The following SCHIP1 variants were observed in gnomAD, a reference collection of about 807,000 sequenced individuals.
SCHIP1 encodes the protein schwannomin interacting protein 1.
SCHIP1 carries 8 observed loss-of-function variants against 29.7 expected under a neutral mutation model. The ratio of observed to expected loss-of-function variants is 0.27; its 90% CI spans 0.16 to 0.49. The LOEUF (loss-of-function observed/expected upper bound fraction) is 0.49, where lower values mean the gene tolerates loss of function less well. Ranked by LOEUF, SCHIP1 falls within the 20% of genes least tolerant of loss-of-function variation. The pLI is 0.99. For synonymous variants in SCHIP1, 76 were observed against 94.9 expected, an observed-to-expected ratio of 0.80 and a Z score of 1.16; for missense variants, 193 against 294.6, an observed-to-expected ratio of 0.66 and a Z score of 2.52.
At chr3:159,704,908 A>C in the SCHIP1 span, among the ~76,000 whole-genome samples, 10,335 of 41,290 alleles carry the variant, frequency 0.25, 450 homozygotes, top group East Asian at 0.31. Flanking sequence ...TTCTTTCTTT[A>C]TTTCTTTCTT....
At chr3:159,536,102 A>G in the SCHIP1 span, among the ~76,000 whole-genome samples, 3 of 152,220 alleles carry the variant, frequency 2.0e-5, no homozygotes, top group Non-Finnish European at 4.4e-5. Context: ...GCTATTGGCT[A>G]CTATGTTGAA....
the SCHIP1 span, among the ~76,000 whole-genome samples, chr3:159,767,036 C>G: frequency 1.3e-5 from 2 of 152,124 alleles, no homozygotes; most frequent in African/African-American, 4.8e-5. Flanking sequence ...CTGGTCATTT[C>G]CTCTACAAGT....
the SCHIP1 span, among the ~76,000 whole-genome samples, chr3:159,297,992 G>C: frequency 1.3e-5 from 2 of 152,166 alleles, no homozygotes; most frequent in Admixed American, 6.5e-5. Context: ...CTATTTGTGT[G>C]GTGCCAGTCT....
the SCHIP1 span, among the ~76,000 whole-genome samples, chr3:159,405,603 G>A: frequency 1.3e-5 from 2 of 152,058 alleles, no homozygotes; most frequent in African/African-American, 2.4e-5. Flanking sequence ...CAGAGGCCAG[G>A]CATGGTGGCA....
the SCHIP1 span, among the ~76,000 whole-genome samples, chr3:159,724,439 T>C: frequency 6.6e-6 from 1 of 152,188 alleles, no homozygotes; most frequent in Non-Finnish European, 1.5e-5. Context: ...CCAGCGTCTT[T>C]TTCCCCAGGG....
chr3:159,511,423 A>G, the SCHIP1 span, among the ~76,000 whole-genome samples: 1 of 152,252 alleles, frequency 6.6e-6, no homozygotes, highest in East Asian at 1.9e-4. Flanking sequence ...TCCCGGGTGA[A>G]GCAATGCCTC....
chr3:159,711,414 A>AT, the SCHIP1 span, among the ~76,000 whole-genome samples: 1 of 150,680 alleles, frequency 6.6e-6, no homozygotes, highest in South Asian at 2.1e-4. Context: ...TAAAAAAAAA[A>AT]TGTTTTCCAC....
At chr3:159,663,839 T>C in the SCHIP1 span, among the ~76,000 whole-genome samples, 10 of 152,184 alleles carry the variant, frequency 6.6e-5, no homozygotes, top group African/African-American at 2.4e-4. Flanking sequence ...ATTGCATTTA[T>C]CCAGCAGTTC....
chr3:159,655,624 T>A, the SCHIP1 span, among the ~76,000 whole-genome samples: 2 of 152,160 alleles, frequency 1.3e-5, no homozygotes, highest in African/African-American at 4.8e-5. Flanking sequence ...GCGTGGTGGC[T>A]CACACCTGTA....
the SCHIP1 span, among the ~76,000 whole-genome samples, chr3:159,651,040 G>C: frequency 6.6e-6 from 1 of 152,124 alleles, no homozygotes; most frequent in East Asian, 1.9e-4. Flanking sequence ...TACCTGTACC[G>C]TCTCATAGGA....
the SCHIP1 span, among the ~76,000 whole-genome samples, chr3:159,811,419 T>C: frequency 9.2e-5 from 14 of 152,258 alleles, no homozygotes; most frequent in African/African-American, 3.4e-4. Context: ...TTTATAGTTT[T>C]AGCTTTTACA....
chr3:159,846,237 GT>G (rs1406311406), intron 1 of SCHIP1, among the ~76,000 whole-genome samples: 1 of 152,140 alleles, frequency 6.6e-6, no homozygotes, highest in Non-Finnish European at 1.5e-5. Context: ...GAATACCGAA[GT>G]TTTCTGTGGC....
At chr3:159,519,466 A>T in the SCHIP1 span, among the ~76,000 whole-genome samples, 8,433 of 152,238 alleles carry the variant, frequency 0.055, 294 homozygotes, top group Non-Finnish European at 0.087. Context: ...GCTTACTCTA[A>T]ATGTCTAAAA....
the SCHIP1 span, among the ~76,000 whole-genome samples, chr3:159,598,687 G>A: frequency 8.5e-5 from 13 of 152,158 alleles, no homozygotes; most frequent in Non-Finnish European, 1.5e-4. Flanking sequence ...CAAGATATCA[G>A]TGGATCTACC....
the SCHIP1 span, among the ~76,000 whole-genome samples, chr3:159,519,861 G>GAA: frequency 6.8e-5 from 10 of 146,370 alleles, no homozygotes; most frequent in African/African-American, 2.5e-4. Context: ...CAGTCATGAA[G>GAA]AAAAAAAAAA....
At chr3:159,674,598 T>TAAAAAAA in the SCHIP1 span, among the ~76,000 whole-genome samples, 4 of 53,972 alleles carry the variant, frequency 7.4e-5, no homozygotes, top group Admixed American at 2.2e-4. Context: ...GGGTCAGGAT[T>TAAAAAAA]AAAAAAAAAA....
At chr3:159,788,581 G>A in the SCHIP1 span, among the ~76,000 whole-genome samples, 1 of 152,134 alleles carries the variant, frequency 6.6e-6, no homozygotes. Context: ...AGGTTTGGCT[G>A]ATTTCCAAGA....
chr3:159,274,249 C>T, the SCHIP1 span: 1 of 985,226 alleles, frequency 1.0e-6, no homozygotes, highest in African/African-American at 1.7e-5. Context: ...ACAAGACTCT[C>T]TTTGGAAAGT....
At chr3:159,348,972 A>G in the SCHIP1 span, among the ~76,000 whole-genome samples, 1 of 152,302 alleles carries the variant, frequency 6.6e-6, no homozygotes, top group East Asian at 1.9e-4. Flanking sequence ...ATAGGTATGA[A>G]TGTTTAAGTA....
Sources: allele counts gnomAD v4.1 joint callset (sites outside exome capture counted in the v4.1 genomes callset), GRCh38; gene constraint gnomAD v4.1.1; transcripts MANE v1.5; gene names NCBI Gene and HGNC (gene_info 2026-07-23, HGNC 2026-07-21).